RACGAP1: variants seen among roughly 807,000 people sequenced by gnomAD.
The protein encoded by RACGAP1 is Rac GTPase activating protein 1.
RACGAP1 carries 30 observed loss-of-function variants against 78.1 expected under a neutral mutation model. The ratio of observed to expected loss-of-function variants is 0.38; its 90% confidence interval spans 0.29 to 0.52. The LOEUF (loss-of-function observed/expected upper bound fraction) is 0.52. RACGAP1 is among the 20% of genes least tolerant of loss of function. RACGAP1 has a pLI of 0.82. For missense variants in RACGAP1, 587 were observed against 777.1 expected (o/e 0.76, Z 2.91); for synonymous variants, 231 against 264.8 (o/e 0.87, Z 1.24).
intron 1 of RACGAP1, chr12:50,018,530 G>T (rs903527508): frequency 1.6e-6 from 2 of 1,288,070 alleles, no homozygotes; most frequent in African/African-American, 3.0e-5. Flanking sequence ...AGTGCTACAG[G>T]ACAGAAACAG....
chr12:50,002,411 C>A, intron 5 of RACGAP1, 111 bp from the exon 6 acceptor site: 1 of 828,008 alleles, frequency 1.2e-6, no homozygotes, highest in Non-Finnish European at 1.9e-6. Context: ...GGCTACCTAA[C>A]GTACAATTCG....
At chr12:50,025,969 G>A (rs779628777), upstream of RACGAP1, among the ~76,000 whole-genome samples, 5 of 152,062 alleles carry the variant, frequency 3.3e-5, no homozygotes, top group Non-Finnish European at 5.9e-5. Context: ...CACTCCACTG[G>A]GAATCGGAAA....
rs1389251456 is a variant in RACGAP1 at position 50,022,582 on chromosome 12, C to CA, written c.-5+2815dup. ...GGGCAACAAGAGTGAAACTCTGTCT[C>CA]AAAAAAAAACAAAACGAAAACAAAA... On this transcript the variant is annotated intron_variant, in intron 1 of 16. Transcript: ENST00000312377. Among the ~76,000 whole-genome samples, 544 of 148,988 alleles carry CA rather than the reference C, an allele frequency of 3.7e-3. 3 individuals carry two copies. The highest frequency in any genetic ancestry group is 7.0e-3 in the African/African-American group (282 of 40,552).
intron 2 of RACGAP1, among the ~76,000 whole-genome samples, chr12:50,012,146 G>A (rs1949379292): frequency 6.6e-6 from 1 of 151,584 alleles, no homozygotes; most frequent in Non-Finnish European, 1.5e-5. Flanking sequence ...TAAAAACTAG[G>A]CTGAGCATGG....
chr12:50,028,187 G>A (rs1950297895), upstream of RACGAP1, among the ~76,000 whole-genome samples: 1 of 152,208 alleles, frequency 6.6e-6, no homozygotes, highest in Non-Finnish European at 1.5e-5. Flanking sequence ...ATGACAAGGA[G>A]GGGACAGGTG....
intron 1 of RACGAP1, chr12:50,021,234 G>A (rs748029551): frequency 1.3e-4 from 72 of 533,802 alleles, no homozygotes; most frequent in Non-Finnish European, 1.6e-4. Context: ...TTTTGCAGCT[G>A]TAAAACAGCT....
intron 15 of RACGAP1, among the ~76,000 whole-genome samples, chr12:49,991,164 T>C (rs1947812645): frequency 6.6e-6 from 1 of 152,056 alleles, no homozygotes; most frequent in African/African-American, 2.4e-5. Context: ...TATAAAATTG[T>C]TGGTTAGCAA....
upstream of RACGAP1, among the ~76,000 whole-genome samples, chr12:50,029,148 AG>A (rs1950307168): frequency 6.6e-6 from 1 of 151,360 alleles, no homozygotes; most frequent in Non-Finnish European, 1.5e-5. Flanking sequence ...CCTGGGAGGC[AG>A]AGGTTGCAGT....
Position 50,017,895 on chromosome 12 carries a change from G to A in RACGAP1, c.-4-1176C>T, listed in dbSNP as rs199627580. ...ACATAGGCTGGGCACGGCAGCTCACGCCTGTAATCCCAGCACTTTGGGAGG... is the reference window on the plus strand; with the variant it reads ...ACATAGGCTGGGCACGGCAGCTCACACCTGTAATCCCAGCACTTTGGGAGG... On this transcript the variant is annotated intron_variant, in intron 1 of 16. Transcript: ENST00000312377. Among the ~76,000 whole-genome samples, 11 of 152,308 alleles carry A rather than the reference G, an allele frequency of 7.2e-5. No homozygotes were observed. The East Asian group carries it at 1.2e-3, about 16-fold the overall frequency.
intron 1 of RACGAP1, among the ~76,000 whole-genome samples, chr12:50,032,728 C>T (rs1487865552): frequency 6.6e-6 from 1 of 152,192 alleles, no homozygotes; most frequent in Non-Finnish European, 1.5e-5. Flanking sequence ...CGCTCTGCCA[C>T]CTAGGAGAGG....
intron 2 of RACGAP1, among the ~76,000 whole-genome samples, chr12:50,015,118 G>A (rs1034361108): frequency 1.7e-4 from 25 of 151,156 alleles, no homozygotes; most frequent in African/African-American, 5.6e-4. Flanking sequence ...GGACTCAATC[G>A]ATCCACCCAT....
At chr12:49,993,187 C>G (rs954120558) in intron 12 of RACGAP1, among the ~76,000 whole-genome samples, 1 of 151,968 alleles carries the variant, frequency 6.6e-6, no homozygotes, top group Non-Finnish European at 1.5e-5. Context: ...TTTCTGGGGA[C>G]AAGGTATATG....
chr12:49,994,732 T>C (rs1565661304), intron 10 of RACGAP1, among the ~76,000 whole-genome samples: 1 of 152,200 alleles, frequency 6.6e-6, no homozygotes, highest in Non-Finnish European at 1.5e-5. Flanking sequence ...CTTTTTCTTT[T>C]TCATATATAC....
chr12:50,013,072 A>G (rs1422765503), intron 2 of RACGAP1, among the ~76,000 whole-genome samples: 1 of 152,212 alleles, frequency 6.6e-6, no homozygotes, highest in Non-Finnish European at 1.5e-5. Context: ...TTCAAAAAAT[A>G]AAAATAAAAA....
rs1169729011 is a variant in RACGAP1, at chr12:50,025,230, A to G, written c.-5+168T>C. 3 of 893,766 alleles carry G rather than the reference A, an allele frequency of 3.4e-6. No homozygotes were observed. In the East Asian group the frequency reaches 3.6e-4, roughly 107 times the overall value. The allele number at this position is 893,766 out of a possible 1,614,324, so 55.4% of individuals were successfully genotyped here. A position where few individuals can be genotyped will look rare whatever the true frequency, so the allele number is the denominator to read the frequency against. ...CCAGGCCGCGTCCATTCGACCTGCC[A>G]CGACCCCCACCCCAGAAAAGCCCGA... On this transcript the variant is annotated intron_variant, in intron 1 of 16. Transcript: ENST00000312377.
intron 2 of RACGAP1, among the ~76,000 whole-genome samples, chr12:50,031,167 AC>A (rs1436287913): frequency 2.0e-5 from 3 of 151,958 alleles, no homozygotes; most frequent in South Asian, 2.1e-4. Flanking sequence ...AATGACTTCA[AC>A]TTGCCTTCTA....
chr12:49,994,382 C>G (rs370349433), intron 11 of RACGAP1, 32 bp downstream of exon 11: 2 of 1,612,886 alleles, frequency 1.2e-6, no homozygotes, highest in African/African-American at 1.3e-5. Context: ...ACACAAATAA[C>G]AAATTCACCA....
At chr12:49,993,621 C>T (rs183246671) in intron 12 of RACGAP1, among the ~76,000 whole-genome samples, 10 of 151,248 alleles carry the variant, frequency 6.6e-5, no homozygotes, top group East Asian at 5.8e-4. Flanking sequence ...ACACCGTTAA[C>T]GCCTGTAATC....
intron 1 of RACGAP1, chr12:50,017,101 G>A (rs1949723169): frequency 1.0e-6 from 1 of 1,000,498 alleles, no homozygotes; most frequent in African/African-American, 1.7e-5. Flanking sequence ...TGTGGGCTTT[G>A]AAGACCTACA....
Sources: gnomAD v4.1 joint callset for allele counts (sites outside exome capture counted in the v4.1 genomes callset) on GRCh38, gnomAD v4.1.1 for gene constraint, MANE v1.5 for transcripts, NCBI Gene and HGNC (gene_info 2026-07-23, HGNC 2026-07-21) for gene names.